Variants in NHSL1 observed in about 807,000 individuals in gnomAD.
NHSL1 encodes the protein NHS like 1, also known as NHS-like protein 1.
Under a neutral mutation model 95.0 loss-of-function variants are expected in NHSL1, and 48 were observed. That is an observed-to-expected ratio of 0.51 (90% CI 0.40 to 0.64). The LOEUF (loss-of-function observed/expected upper bound fraction) is 0.64. Among genes scored for constraint, NHSL1 ranks in the 30% least tolerant of loss-of-function variants. The pLI is 0.00. For synonymous variants in NHSL1, 783 were observed against 833.9 expected, an observed-to-expected ratio of 0.94 and a Z score of 1.05; for missense variants, 1,971 against 2,077.7, an observed-to-expected ratio of 0.95 and a Z score of 1.00.
chr6:138,634,190 G>A (rs544948751), intron 1 of NHSL1, among the ~76,000 whole-genome samples: 15 of 152,086 alleles, frequency 9.9e-5, no homozygotes, highest in Middle Eastern at 3.4e-3. Context: ...CAACAAAATG[G>A]CAAGAGTAAG....
Position 138,433,609 on chromosome 6 carries a change from T to C in NHSL1, c.736A>G (p.Arg246Gly). Residue 246 changes from arginine (R) to glycine (G), a missense_variant, in exon 6 of 8, where the codon AGG becomes GGG. Arg to Gly is a moderately radical substitution (Grantham distance 125). Coordinates refer to ENST00000343505, the MANE Select transcript of NHSL1 (RefSeq NM_001144060.2). The stretch of plus-strand genomic sequence containing the variant: ...CCAGCAGACCGACAGCTATTGAACC[T>C]TCCTAGTGTAGAGTAGTGATCAGGG... The part of the protein sequence containing the change: ...YTPDHYSTLG[R>G]FNSCRSAGQR... 6.4e-7 allele frequency: 1 copy of C among 1,552,156 alleles called. No individual in the cohort carries two copies.
At position 138,432,116 on chromosome 6, in the gene NHSL1, A is replaced by G. The variant is rs1367934845; in HGVS notation, c.2229T>C (p.Ser743=). The G allele has an allele frequency of 1.3e-6, 2 of 1,550,962 alleles. No homozygotes were observed. Among genetic ancestry groups the G allele is most frequent in the Admixed American group, 2.0e-5 (1 of 50,978 alleles). Residue 743 remains serine, a synonymous_variant, in exon 6 of 8, where the codon AGT becomes AGC. Transcript: ENST00000343505. This position sits in a 1 kb window ranked among gnomAD's most constrained non-coding sequence, Gnocchi z 4.4. ...LPRSRSQSTV[S]AGSSMTSATT... ...TGGCGGAAGTCATGCTGCTGCCAGC[A>G]CTAACTGTGCTCTGGCTCCGGGAGC... is the stretch of plus-strand genomic sequence containing the variant.
chr6:138,444,572 T>C (rs1179516539), intron 4 of NHSL1, among the ~76,000 whole-genome samples: 1 of 149,518 alleles, frequency 6.7e-6, no homozygotes, highest in African/African-American at 2.5e-5. Context: ...GGATTTGAAA[T>C]CGCCATTTTT....
At chr6:138,589,973 T>G (rs1002582512) in intron 1 of NHSL1, among the ~76,000 whole-genome samples, 12 of 151,914 alleles carry the variant, frequency 7.9e-5, no homozygotes, top group African/African-American at 2.7e-4. Context: ...CAGCCTCTAG[T>G]GTTTTTCTAC....
chr6:138,498,092 AGAAG>A (rs1780461275), intron 1 of NHSL1, among the ~76,000 whole-genome samples: 1 of 152,312 alleles, frequency 6.6e-6, no homozygotes, highest in African/African-American at 2.4e-5. Flanking sequence ...TTTGTGTTTC[AGAAG>A]AATCTAGCAT....
rs556620002 is a variant in NHSL1 at position 138,650,045 on chromosome 6, CCTCCACCCAA to C, written c.96+42421_96+42430del. Among the ~76,000 whole-genome samples, 40 of 152,312 alleles carry C rather than the reference CCTCCACCCAA, an allele frequency of 2.6e-4. 1 individual carries two copies. In the South Asian group the frequency reaches 8.3e-3, roughly 32 times the overall value. ...ACCCAATCCACTGGGTGCAGCCTCA[CCTCCACCCAA>C]CTCCACATCTGGATAGACACATGGC... On this transcript the variant is annotated intron_variant, in intron 1 of 3. Coordinates refer to the NHSL1 transcript ENST00000491526.
At chr6:138,563,577 C>A (rs933347880) in intron 1 of NHSL1, among the ~76,000 whole-genome samples, 4 of 152,078 alleles carry the variant, frequency 2.6e-5, no homozygotes, top group African/African-American at 9.7e-5. Context: ...TACAATAGAT[C>A]GAATTTGTAG....
chr6:138,432,612 G>A lies in NHSL1; in HGVS notation c.1733C>T (p.Pro578Leu). ...PHLATPGYST[P>L]TSNMSSCSLD... The stretch of plus-strand genomic sequence containing the variant: ...ACTGCAGCTGCTCATGTTACTTGTG[G>A]GAGTGGAATAGCCAGGAGTTGCTAA... The change falls in exon 6 of 8, where the codon CCC (proline) becomes CTC (leucine). Residue 578 changes from proline to leucine, a missense_variant. Transcript: ENST00000343505. This position sits in a 1 kb window ranked among gnomAD's most constrained non-coding sequence, Gnocchi z 4.4. 2 of 1,551,696 alleles carry A rather than the reference G, an allele frequency of 1.3e-6. No homozygotes were observed. The highest frequency in any genetic ancestry group is 8.7e-7 in the Non-Finnish European group (1 of 1,146,900).
In NHSL1 at chr6:138,442,043, T is replaced by C. The variant is rs1776559782; in HGVS notation, c.604A>G (p.Lys202Glu). The C allele has an allele frequency of 3.9e-6, 6 of 1,551,512 alleles. No individual in the cohort carries two copies. The highest frequency in any genetic ancestry group is 2.0e-5 in the Admixed American group (1 of 50,978). ...ATAGTCTTTCTCCTTTTGACTTTCTTCGGTCGTCTTACCAGAGTGTCTGTG... is the reference window on the plus strand; with the variant it reads ...ATAGTCTTTCTCCTTTTGACTTTCTCCGGTCGTCTTACCAGAGTGTCTGTG... ...IYTDTLVRRP[K>E]KVKRRKTITG... Residue 202 changes from lysine (K) to glutamate (E), a missense_variant, in exon 5 of 8, where the codon AAG (lysine) becomes GAG (glutamate). Coordinates refer to ENST00000343505, the MANE Select transcript of NHSL1 (RefSeq NM_001144060.2).
chr6:138,483,769 G>A (rs1425937061), intron 2 of NHSL1, among the ~76,000 whole-genome samples: 3 of 152,130 alleles, frequency 2.0e-5, no homozygotes, highest in South Asian at 4.1e-4. Flanking sequence ...TCCTCCTAAT[G>A]GTTTCTAAGC....
At chr6:138,545,284 C>G (rs1161907795) in intron 1 of NHSL1, among the ~76,000 whole-genome samples, 4 of 152,142 alleles carry the variant, frequency 2.6e-5, no homozygotes, top group African/African-American at 9.7e-5. Flanking sequence ...ATGAAAATTT[C>G]TCTACTACTG....
At position 138,433,493 on chromosome 6, in the gene NHSL1, C is replaced by T. The variant is rs752813190; in HGVS notation, c.852G>A (p.Gly284=). The T allele has an allele frequency of 5.2e-6, 8 of 1,552,140 alleles. No individual in the cohort carries two copies. The highest frequency in any genetic ancestry group is 4.8e-5 in the South Asian group (4 of 84,060). Residue 284 remains glycine, a synonymous_variant, in exon 6 of 8, where the codon GGG becomes GGA. Coordinates refer to ENST00000343505, the MANE Select transcript of NHSL1 (RefSeq NM_001144060.2). The part of the protein sequence containing the change: ...PSMRRIRAQK[G]QGIAAQMGHF... ...GGCCCATCTGGGCAGCAATGCCTTG[C>T]CCCTTCTGTGCCCTGATTCTCCTCA...
At chr6:138,462,057 G>A (rs890032840) in intron 3 of NHSL1, among the ~76,000 whole-genome samples, 1 of 152,174 alleles carries the variant, frequency 6.6e-6, no homozygotes, top group African/African-American at 2.4e-5. Flanking sequence ...GAAGTTTGAT[G>A]GGTTTGGTGA....
intron 1 of NHSL1, among the ~76,000 whole-genome samples, chr6:138,539,024 G>C (rs1316759973): frequency 6.6e-6 from 1 of 152,064 alleles, no homozygotes; most frequent in Non-Finnish European, 1.5e-5. Flanking sequence ...CATTTTGACA[G>C]TAACAACAAC....
At chr6:138,449,439 G>T (rs1777086273) in intron 3 of NHSL1, among the ~76,000 whole-genome samples, 1 of 152,192 alleles carries the variant, frequency 6.6e-6, no homozygotes, top group African/African-American at 2.4e-5. Flanking sequence ...CATTTTGGGA[G>T]GCTGAGGCGG....
chr6:138,452,413 G>C (rs1344555691), intron 3 of NHSL1, among the ~76,000 whole-genome samples: 1 of 152,188 alleles, frequency 6.6e-6, no homozygotes, highest in East Asian at 1.9e-4. Context: ...TGATCCAAAA[G>C]TGGGATTAAC....
intron 1 of NHSL1, among the ~76,000 whole-genome samples, chr6:138,529,914 C>T (rs1227450472): frequency 6.6e-6 from 1 of 152,196 alleles, no homozygotes; most frequent in Non-Finnish European, 1.5e-5. Flanking sequence ...TACTGACAGA[C>T]ATGGCAGGAA....
chr6:138,677,815 C>T (rs1474677920), intron 1 of NHSL1, among the ~76,000 whole-genome samples: 3 of 152,194 alleles, frequency 2.0e-5, no homozygotes, highest in African/African-American at 2.4e-5. Context: ...TGGGCCCACC[C>T]CCAGTGATTC....
intron 1 of NHSL1, among the ~76,000 whole-genome samples, chr6:138,600,699 G>C (rs374297015): frequency 6.6e-6 from 1 of 151,924 alleles, no homozygotes; most frequent in Non-Finnish European, 1.5e-5. Context: ...TCTTAATGTC[G>C]TTGCTAAACC....
Sources: allele counts gnomAD v4.1 joint callset (sites outside exome capture counted in the v4.1 genomes callset), GRCh38; gene constraint gnomAD v4.1.1; non-coding constraint Gnocchi (gnomAD v3.1); transcripts MANE v1.5; gene names NCBI Gene and HGNC (gene_info 2026-07-23, HGNC 2026-07-21).